The following EXOC6 variants were observed in gnomAD, a reference collection of about 807,000 sequenced individuals.
EXOC6 encodes SEC15-like 1.
EXOC6 carries 60 observed loss-of-function variants against 112.5 expected under a neutral mutation model. The ratio of observed to expected loss-of-function variants is 0.53; its 90% confidence interval spans 0.43 to 0.66. The LOEUF (loss-of-function observed/expected upper bound fraction) is 0.66. EXOC6 is among the 30% of genes least tolerant of loss of function. The pLI is 0.00. For synonymous variants in EXOC6, 295 were observed against 308.0 expected, an observed-to-expected ratio of 0.96 and a Z score of 0.44; for missense variants, 855 against 957.1, an observed-to-expected ratio of 0.89 and a Z score of 1.41.
intron 20 of EXOC6, among the ~76,000 whole-genome samples, chr10:93,051,891 T>C (rs557808615): frequency 6.6e-6 from 1 of 152,242 alleles, no homozygotes; most frequent in South Asian, 2.1e-4. Flanking sequence ...GATCTCCTGG[T>C]TTACTTTTGG....
At chr10:92,884,892 A>G (rs990373584) in intron 1 of EXOC6, among the ~76,000 whole-genome samples, 4 of 152,152 alleles carry the variant, frequency 2.6e-5, no homozygotes, top group African/African-American at 9.7e-5. Context: ...TAAAAAAAAT[A>G]CTGTGGAATT....
At chr10:92,967,846 C>T (rs1490995771) in intron 17 of EXOC6, among the ~76,000 whole-genome samples, 1 of 152,134 alleles carries the variant, frequency 6.6e-6, no homozygotes, top group East Asian at 1.9e-4. Flanking sequence ...TTCTCTTATC[C>T]AGCTGCCTTC....
At chr10:92,911,344 G>C (rs1850751563) in intron 6 of EXOC6, among the ~76,000 whole-genome samples, 1 of 152,032 alleles carries the variant, frequency 6.6e-6, no homozygotes, top group African/African-American at 2.4e-5. Context: ...ATATTACAGT[G>C]TTTTCAATAC....
intron 20 of EXOC6, among the ~76,000 whole-genome samples, chr10:93,048,517 G>T (rs1025768751): frequency 6.6e-6 from 1 of 151,162 alleles, no homozygotes; most frequent in Non-Finnish European, 1.5e-5. Flanking sequence ...CAGCACACCA[G>T]CATGGCACAT....
intron 18 of EXOC6, among the ~76,000 whole-genome samples, chr10:92,990,958 A>G (rs1394770483): frequency 3.9e-5 from 6 of 152,170 alleles, no homozygotes. Context: ...TTCATGAGTG[A>G]CAAAGACCTA....
intron 6 of EXOC6, among the ~76,000 whole-genome samples, chr10:92,909,883 A>G (rs1300407772): frequency 6.6e-6 from 1 of 152,158 alleles, no homozygotes; most frequent in Non-Finnish European, 1.5e-5. Flanking sequence ...TTCTCCATAT[A>G]TGTGGTGTTA....
At chr10:92,984,523 T>G (rs1378238306) in intron 18 of EXOC6, among the ~76,000 whole-genome samples, 2 of 151,956 alleles carry the variant, frequency 1.3e-5, no homozygotes, top group East Asian at 3.9e-4. Context: ...TCTTGTTTTT[T>G]TGTTTTGTTT....
intron 5 of EXOC6, among the ~76,000 whole-genome samples, chr10:92,905,484 A>T (rs10786059): frequency 0.26 from 38,717 of 151,770 alleles, 6,219 homozygotes; most frequent in East Asian, 0.73. Context: ...GTTCCAGAAA[A>T]TTTTTTGTTG....
chr10:92,955,528 A>G (rs945076860), intron 16 of EXOC6, 52 bp from the exon 17 acceptor site: 2 of 1,463,802 alleles, frequency 1.4e-6, no homozygotes, highest in African/African-American at 2.9e-5. Context: ...AAATTAGGTG[A>G]TTTTACATAC....
chr10:93,030,113 G>A (rs1463328905), intron 20 of EXOC6, among the ~76,000 whole-genome samples: 2 of 152,142 alleles, frequency 1.3e-5, no homozygotes, highest in Non-Finnish European at 2.9e-5. Context: ...CCTCCATGTT[G>A]GTCAGGCTGG....
At position 92,873,946 on chromosome 10, in the gene EXOC6, G is replaced by T. The variant is rs538672118; in HGVS notation, c.102-19403G>T. ...TACATGCTTGTAATCCCAGCTACTT[G>T]GGAGGCTGAGGCAGGAGAATTGCTT... is the stretch of plus-strand genomic sequence containing the variant. On this transcript the variant is annotated intron_variant, in intron 1 of 21. Transcript: ENST00000260762. Among the ~76,000 whole-genome samples, 167 of 151,974 alleles carry T rather than the reference G, an allele frequency of 1.1e-3. 2 individuals carry two copies. Among genetic ancestry groups the T allele is most frequent in the Non-Finnish European group, 1.6e-3 (110 of 67,970 alleles).
intron 9 of EXOC6, among the ~76,000 whole-genome samples, chr10:92,929,741 T>C (rs1456002019): frequency 1.3e-5 from 2 of 152,208 alleles, no homozygotes; most frequent in African/African-American, 2.4e-5. Context: ...GGTTTAACAG[T>C]TGATGAATTC....
At chr10:92,869,709 ATTG>A (rs767229498) in intron 1 of EXOC6, among the ~76,000 whole-genome samples, 1 of 152,044 alleles carries the variant, frequency 6.6e-6, no homozygotes, top group Non-Finnish European at 1.5e-5. Context: ...AAGTTTTCTT[ATTG>A]TTTATAAATT....
intron 20 of EXOC6, among the ~76,000 whole-genome samples, chr10:93,038,146 T>C (rs1845602397): frequency 6.6e-6 from 1 of 151,696 alleles, no homozygotes. Flanking sequence ...AGGATAGTTA[T>C]GGGAAGTTTA....
intron 18 of EXOC6, among the ~76,000 whole-genome samples, chr10:92,992,988 A>C (rs568049556): frequency 8.0e-5 from 12 of 150,410 alleles, no homozygotes; most frequent in African/African-American, 2.7e-4. Context: ...TCATATTCTC[A>C]TAACTGAAAT....
At chr10:92,927,081 G>A (rs1264059972) in intron 8 of EXOC6, among the ~76,000 whole-genome samples, 2 of 152,100 alleles carry the variant, frequency 1.3e-5, no homozygotes, top group Admixed American at 6.6e-5. Context: ...AATATTTTCT[G>A]CATTTTAAGT....
chr10:92,881,182 G>C (rs978299176), intron 1 of EXOC6, among the ~76,000 whole-genome samples: 5 of 152,116 alleles, frequency 3.3e-5, no homozygotes, highest in Non-Finnish European at 7.3e-5. Flanking sequence ...TTTCCAGCTT[G>C]TCATTTTTAG....
intron 13 of EXOC6, among the ~76,000 whole-genome samples, chr10:92,942,482 G>C (rs1248263553): frequency 6.6e-6 from 1 of 152,056 alleles, no homozygotes; most frequent in Non-Finnish European, 1.5e-5. Flanking sequence ...TGAGTTTTTG[G>C]TATTTACATT....
intron 20 of EXOC6, among the ~76,000 whole-genome samples, chr10:93,049,713 A>G (rs1256939482): frequency 6.6e-6 from 1 of 152,128 alleles, no homozygotes; most frequent in African/African-American, 2.4e-5. Flanking sequence ...CCAAGTAGCT[A>G]GCACTACAGG....
Sources: allele counts gnomAD v4.1 joint callset (sites outside exome capture counted in the v4.1 genomes callset), GRCh38; gene constraint gnomAD v4.1.1; transcripts MANE v1.5; gene names NCBI Gene and HGNC (gene_info 2026-07-23, HGNC 2026-07-21).